The following ALK variants were observed in gnomAD, a reference collection of about 807,000 sequenced individuals.
ALK encodes ALK receptor tyrosine kinase, also known as ALK tyrosine kinase receptor.
A neutral mutation model predicts 163.1 loss-of-function variants in ALK; 74 were observed. The observed-to-expected ratio is 0.45, with a 90% CI of 0.38 to 0.55. The LOEUF is 0.55. Among genes scored for constraint, ALK ranks in the 20% least tolerant of loss-of-function variants. The probability of loss-of-function intolerance (pLI) is 0.00; values close to 1 mark genes in which losing one functional copy is unlikely to be tolerated. For synonymous variants in ALK, 960 were observed against 843.2 expected (o/e 1.14, Z -2.40); for missense variants, 2,063 against 2,105.3 (o/e 0.98, Z 0.39).
chr2:29,547,716 G>GC (rs1452392378), intron 3 of ALK, among the ~76,000 whole-genome samples: 1 of 152,088 alleles, frequency 6.6e-6, no homozygotes, highest in Non-Finnish European at 1.5e-5. Flanking sequence ...CTTCTCTCTT[G>GC]CCTCCTTCTT....
At chr2:29,532,249 A>C (rs907382623) in intron 3 of ALK, 133 bp from the exon 4 acceptor site, 33 of 832,572 alleles carry the variant, frequency 4.0e-5, no homozygotes, top group Non-Finnish European at 6.2e-5. Flanking sequence ...CTCTGCATGC[A>C]CCCAGCCTTC....
At chr2:29,484,347 G>T (rs758071736) in intron 4 of ALK, among the ~76,000 whole-genome samples, 11 of 152,030 alleles carry the variant, frequency 7.2e-5, no homozygotes, top group Non-Finnish European at 1.5e-4. Context: ...ATATGTGTGT[G>T]TATATATCTA....
chr2:29,214,349 G>A (rs1669545646), intron 23 of ALK, among the ~76,000 whole-genome samples: 1 of 152,158 alleles, frequency 6.6e-6, no homozygotes, highest in South Asian at 2.1e-4. Context: ...GTGCAGCGAA[G>A]GCTCGGAACA....
chr2:29,216,680 GTA>G (rs1491092209), intron 23 of ALK, among the ~76,000 whole-genome samples: 31 of 27,242 alleles, frequency 1.1e-3, no homozygotes, highest in South Asian at 4.8e-3. Context: ...TATGTGTTGT[GTA>G]TATGTGGGGT....
Position 29,305,564 on chromosome 2 carries a change from C to G in ALK, c.1648-8507G>C, listed in dbSNP as rs138913919. Among the ~76,000 whole-genome samples, 566 of 152,240 alleles carry G rather than the reference C, an allele frequency of 3.7e-3. 8 individuals are homozygous for G. The highest frequency in any genetic ancestry group is 0.013 in the African/African-American group (532 of 41,540). On this transcript the variant is annotated intron_variant, in intron 8 of 28. Transcript: ENST00000389048. Reference sequence around the variant, plus strand: ...AGACCTTCATTTCCCTTACACAGTCCTTGGTTAGAGGTCCCTTGATATCAT... The same window carrying G: ...AGACCTTCATTTCCCTTACACAGTCGTTGGTTAGAGGTCCCTTGATATCAT...
rs1231969163 is a variant in ALK at position 29,320,810 on chromosome 2, G to A, written c.1487C>T (p.Pro496Leu). The part of the protein sequence containing the change: ...FCGWTQGTLS[P>L]HTPQWQVRTL... Reference sequence around the variant, plus strand: ...CCTGACCTGCCATTGAGGAGTGTGGGGTGACAGTGTGCCTTGGGTCCAGCC... The same window carrying A: ...CCTGACCTGCCATTGAGGAGTGTGGAGTGACAGTGTGCCTTGGGTCCAGCC... Residue 496 changes from proline to leucine, a missense_variant, in exon 7 of 29, where the codon CCC (proline) becomes CTC (leucine). Physicochemically the swap from Pro to Leu is moderately conservative, Grantham distance 98. Around this residue, in one of 5 missense-constraint regions of ALK, gnomAD observed 987 missense variants for 939.5 expected, o/e 1.05. Transcript: ENST00000389048. 1 of 1,614,098 alleles carries A rather than the reference G, an allele frequency of 6.2e-7. No individual in the cohort carries two copies. The highest frequency in any genetic ancestry group is 8.5e-7 in the Non-Finnish European group (1 of 1,179,990).
intron 3 of ALK, among the ~76,000 whole-genome samples, chr2:29,574,599 T>C (rs988871452): frequency 6.6e-6 from 1 of 152,264 alleles, no homozygotes; most frequent in Non-Finnish European, 1.5e-5. Flanking sequence ...AAGCGCCTCT[T>C]GGCAGGACCT....
chr2:29,442,961 A>T (rs116807877), intron 4 of ALK, among the ~76,000 whole-genome samples: 28 of 152,384 alleles, frequency 1.8e-4, no homozygotes, highest in African/African-American at 5.5e-4. Flanking sequence ...GTTAATTGCC[A>T]CATGGTGGCT....
chr2:29,694,741 C>T, intron 3 of ALK, 109 bp downstream of exon 3: 1 of 1,442,950 alleles, frequency 6.9e-7, no homozygotes, highest in Non-Finnish European at 9.7e-7. Flanking sequence ...AAGCAGGTTT[C>T]AAAGTAAACA....
intron 2 of ALK, among the ~76,000 whole-genome samples, chr2:29,697,538 G>A (rs1230436389): frequency 6.6e-6 from 1 of 152,142 alleles, no homozygotes; most frequent in Non-Finnish European, 1.5e-5. Context: ...GCCATGGCGG[G>A]CTCTCAAAGC....
At chr2:29,441,881 T>C (rs917025606) in intron 4 of ALK, among the ~76,000 whole-genome samples, 10 of 152,146 alleles carry the variant, frequency 6.6e-5, no homozygotes, top group African/African-American at 2.4e-4. Flanking sequence ...ATCTGGCCCA[T>C]TGTGAGAAGA....
intron 1 of ALK, among the ~76,000 whole-genome samples, chr2:29,734,949 A>T (rs1381307844): frequency 6.6e-6 from 1 of 152,138 alleles, no homozygotes; most frequent in African/African-American, 2.4e-5. Context: ...TGTAAATTTA[A>T]TTTTTTTAAT....
At chr2:29,409,839 G>C (rs59142736) in intron 4 of ALK, among the ~76,000 whole-genome samples, 476 of 152,242 alleles carry the variant, frequency 3.1e-3, no homozygotes, top group African/African-American at 0.01. Context: ...CAGGGTTCAA[G>C]GGTTCATTTC....
chr2:29,702,293 C>T (rs756183995), intron 2 of ALK, among the ~76,000 whole-genome samples: 1 of 152,080 alleles, frequency 6.6e-6, no homozygotes, highest in African/African-American at 2.4e-5. Context: ...TAAATGGCCA[C>T]ACTTCATACT....
At chr2:29,624,249 C>G (rs910573802) in intron 3 of ALK, among the ~76,000 whole-genome samples, 23 of 152,016 alleles carry the variant, frequency 1.5e-4, no homozygotes, top group Admixed American at 1.4e-3. Flanking sequence ...AGTGTTGCAC[C>G]TATTTCTGGG....
At chr2:29,313,304 A>G (rs963250921) in intron 8 of ALK, among the ~76,000 whole-genome samples, 6 of 152,308 alleles carry the variant, frequency 3.9e-5, no homozygotes, top group African/African-American at 1.4e-4. Context: ...CTGATTTGCT[A>G]AAGTAAGTTG....
At chr2:29,285,502 G>C (rs1558653338) in intron 9 of ALK, among the ~76,000 whole-genome samples, 1 of 151,570 alleles carries the variant, frequency 6.6e-6, no homozygotes, top group Non-Finnish European at 1.5e-5. Flanking sequence ...CAAGTGTTCT[G>C]CCCACTTTGG....
chr2:29,412,614 T>C (rs534469295), intron 4 of ALK, among the ~76,000 whole-genome samples: 1 of 152,320 alleles, frequency 6.6e-6, no homozygotes, highest in South Asian at 2.1e-4. Flanking sequence ...TTATCTAGTT[T>C]GAAAATTTTT....
rs75195048 is a variant in ALK, at chr2:29,261,024, G to A, written c.2042-9757C>T. On this transcript the variant is annotated intron_variant, in intron 11 of 28. Coordinates refer to ENST00000389048, the MANE Select transcript of ALK (RefSeq NM_004304.5). ...CAAGTGGGCCCTTTCCTGCAATGACGTTTGCTGGCCAGGCTGCTCCAGCGC... is the reference window on the plus strand; with the variant it reads ...CAAGTGGGCCCTTTCCTGCAATGACATTTGCTGGCCAGGCTGCTCCAGCGC... Among the ~76,000 whole-genome samples, 5 of 151,910 alleles carry A rather than the reference G, an allele frequency of 3.3e-5. No homozygotes were observed. In the East Asian group the frequency reaches 5.8e-4, roughly 18 times the overall value.
Sources: allele counts gnomAD v4.1 joint callset (sites outside exome capture counted in the v4.1 genomes callset), GRCh38; gene constraint gnomAD v4.1.1; regional missense constraint gnomAD v4.1.1; transcripts MANE v1.5; gene names NCBI Gene and HGNC (gene_info 2026-07-23, HGNC 2026-07-21).